NAV3: variants seen among roughly 807,000 people sequenced by gnomAD.
NAV3 encodes the protein pore membrane and/or filament interacting like protein 1.
Under a neutral mutation model 244.7 loss-of-function variants are expected in NAV3, and 87 were observed. The ratio of observed to expected loss-of-function variants is 0.36; its 90% CI spans 0.30 to 0.42. The LOEUF is 0.42. Ranked by LOEUF, NAV3 falls within the 20% of genes least tolerant of loss-of-function variation. The pLI, the probability that NAV3 is intolerant of heterozygous loss-of-function variation, is 1.00. For missense variants in NAV3, 2,663 were observed against 2,893.3 expected (o/e 0.92, Z 1.83); for synonymous variants, 1,126 against 1,042.2 (o/e 1.08, Z -1.55).
intron 2 of NAV3, among the ~76,000 whole-genome samples, chr12:77,764,998 G>A (rs184975409): frequency 6.1e-4 from 93 of 152,222 alleles, no homozygotes; most frequent in African/African-American, 2.2e-3. Context: ...CTGCTTAAAA[G>A]GTTTCATGAA....
At chr12:77,747,957 A>C (rs970282033) in intron 2 of NAV3, among the ~76,000 whole-genome samples, 2 of 152,186 alleles carry the variant, frequency 1.3e-5, no homozygotes, top group South Asian at 4.1e-4. Flanking sequence ...TGGGTGCAGC[A>C]CACCAACATG....
chr12:77,604,299 G>A (rs955614535), intron 2 of NAV3, among the ~76,000 whole-genome samples: 1 of 151,910 alleles, frequency 6.6e-6, no homozygotes, highest in Non-Finnish European at 1.5e-5. Context: ...GTAGCAGAAA[G>A]ACAAAAGAAA....
intron 5 of NAV3, among the ~76,000 whole-genome samples, chr12:77,989,902 A>T (rs918774050): frequency 6.6e-6 from 1 of 152,148 alleles, no homozygotes; most frequent in African/African-American, 2.4e-5. Flanking sequence ...TAAATTTCTC[A>T]TGGACCCATC....
chr12:78,068,933 T>A (rs1287932567), intron 12 of NAV3, among the ~76,000 whole-genome samples: 1 of 151,780 alleles, frequency 6.6e-6, no homozygotes, highest in African/African-American at 2.4e-5. Flanking sequence ...TATCTATACA[T>A]GAAACACTTC....
chr12:77,724,279 C>G (rs1479413914), intron 2 of NAV3, among the ~76,000 whole-genome samples: 2 of 151,756 alleles, frequency 1.3e-5, no homozygotes, highest in African/African-American at 4.8e-5. Context: ...TATGCTTTTT[C>G]TGTATTTTTT....
chr12:77,653,716 T>G (rs563907253), intron 2 of NAV3, among the ~76,000 whole-genome samples: 1 of 152,062 alleles, frequency 6.6e-6, no homozygotes, highest in South Asian at 2.1e-4. Context: ...TATAGTGCAG[T>G]ACTTCTGGGT....
intron 2 of NAV3, among the ~76,000 whole-genome samples, chr12:77,786,803 C>A (rs1168674936): frequency 6.6e-6 from 1 of 152,054 alleles, no homozygotes; most frequent in Non-Finnish European, 1.5e-5. Flanking sequence ...CCAGTCCCAC[C>A]ACCATGAGAA....
intron 1 of NAV3, among the ~76,000 whole-genome samples, chr12:77,918,957 C>A (rs1887440114): frequency 6.6e-6 from 1 of 151,936 alleles, no homozygotes; most frequent in Admixed American, 6.6e-5. Context: ...GAAGAGTAGA[C>A]CTTGTGATGA....
chr12:77,639,302 C>A (rs1872292737), intron 2 of NAV3, among the ~76,000 whole-genome samples: 2 of 152,130 alleles, frequency 1.3e-5, no homozygotes, highest in South Asian at 4.1e-4. Flanking sequence ...GCTAGTGATT[C>A]AGAAATGAAC....
chr12:78,075,298 G>C (rs766442349), intron 12 of NAV3, among the ~76,000 whole-genome samples: 1 of 152,012 alleles, frequency 6.6e-6, no homozygotes, highest in Non-Finnish European at 1.5e-5. Flanking sequence ...TGGTTGTGTG[G>C]GTCTGGAAAG....
chr12:77,624,673 A>G (rs1871538208), intron 2 of NAV3, among the ~76,000 whole-genome samples: 1 of 152,118 alleles, frequency 6.6e-6, no homozygotes, highest in Non-Finnish European at 1.5e-5. Flanking sequence ...AGAGAGAAGA[A>G]TGACTCCAAA....
At chr12:77,941,831 T>C (rs1889900132) in intron 3 of NAV3, among the ~76,000 whole-genome samples, 1 of 152,168 alleles carries the variant, frequency 6.6e-6, no homozygotes, top group Admixed American at 6.6e-5. Flanking sequence ...TAACTAAAGT[T>C]ACATCAAGCA....
At chr12:77,719,733 A>G (rs1413585823) in intron 2 of NAV3, among the ~76,000 whole-genome samples, 1 of 152,112 alleles carries the variant, frequency 6.6e-6, no homozygotes, top group Non-Finnish European at 1.5e-5. Flanking sequence ...GATATTATTC[A>G]GTGATAATGA....
intron 2 of NAV3, among the ~76,000 whole-genome samples, chr12:77,634,097 T>A (rs1872045176): frequency 6.8e-6 from 1 of 146,816 alleles, no homozygotes; most frequent in Non-Finnish European, 1.5e-5. Flanking sequence ...TATTTTAATC[T>A]TGTTTCCAAC....
At chr12:77,776,278 A>G (rs1013941061) in intron 2 of NAV3, among the ~76,000 whole-genome samples, 4 of 152,234 alleles carry the variant, frequency 2.6e-5, no homozygotes, top group South Asian at 4.1e-4. Context: ...TTTACATAAA[A>G]GGAAGACAAG....
At chr12:77,965,357 C>T (rs754185551) in intron 3 of NAV3, among the ~76,000 whole-genome samples, 5 of 152,256 alleles carry the variant, frequency 3.3e-5, no homozygotes, top group Middle Eastern at 3.4e-3. Flanking sequence ...TGGTGGCTCA[C>T]GCCTGTAATC....
rs2137226878 is a variant in NAV3 at position 78,050,042 on chromosome 12, C to T, written c.2073C>T (p.Asp691=). The T allele has an allele frequency of 1.2e-6, 2 of 1,613,202 alleles. No homozygotes were observed. The highest frequency in any genetic ancestry group is 1.1e-5 in the South Asian group (1 of 90,814). ...TGAGAACAGTTAAAAACATAGCAGA[C>T]TTGAGGCAGAATTTAGAAGAGACTA... ...RRMRTVKNIA[D]LRQNLEETMS... Residue 691 remains aspartate (D), a synonymous_variant, in exon 10 of 40, where the codon GAC becomes GAT. Transcript: ENST00000397909.
At chr12:77,732,884 G>T (rs1334419696) in intron 2 of NAV3, among the ~76,000 whole-genome samples, 1 of 152,044 alleles carries the variant, frequency 6.6e-6, no homozygotes, top group African/African-American at 2.4e-5. Flanking sequence ...AGTAAGGCTG[G>T]AGCATAGATG....
chr12:77,870,775 A>C (rs2136450387), intron 1 of NAV3, among the ~76,000 whole-genome samples: 1 of 152,274 alleles, frequency 6.6e-6, no homozygotes, highest in Admixed American at 6.5e-5. Context: ...TAAACTGAGA[A>C]AGGGGGAGGG....
Sources: allele counts gnomAD v4.1 joint callset (sites outside exome capture counted in the v4.1 genomes callset), GRCh38; gene constraint gnomAD v4.1.1; transcripts MANE v1.5; gene names NCBI Gene and HGNC (gene_info 2026-07-23, HGNC 2026-07-21).